Variants in PPP3CC observed in about 807,000 individuals in gnomAD.
PPP3CC encodes serine/threonine-protein phosphatase 2B catalytic subunit gamma isoform.
Under a neutral mutation model 60.3 loss-of-function variants are expected in PPP3CC, and 35 were observed. The observed-to-expected ratio is 0.58, with a 90% CI of 0.44 to 0.77. PPP3CC has a LOEUF of 0.77. Among genes scored for constraint, PPP3CC ranks in the 30% least tolerant of loss-of-function variants. The pLI, the probability that PPP3CC is intolerant of heterozygous loss-of-function variation, is 0.00. For missense variants in PPP3CC, 570 were observed against 628.9 expected (o/e 0.91, Z 1.00); for synonymous variants, 206 against 224.3 (o/e 0.92, Z 0.73).
At chr8:22,474,617 T>G (rs916627524) in intron 1 of PPP3CC, among the ~76,000 whole-genome samples, 1 of 152,136 alleles carries the variant, frequency 6.6e-6, no homozygotes, top group Non-Finnish European at 1.5e-5. Context: ...GACAGAAGAA[T>G]CGCTTGAACT....
chr8:22,457,610 A>G (rs764637603), intron 1 of PPP3CC, among the ~76,000 whole-genome samples: 14 of 152,180 alleles, frequency 9.2e-5, no homozygotes, highest in Admixed American at 4.6e-4. Flanking sequence ...ACCCAGCCCA[A>G]GTCTCAACTT....
intron 1 of PPP3CC, among the ~76,000 whole-genome samples, chr8:22,458,291 T>A (rs1375538536): frequency 2.0e-5 from 3 of 152,016 alleles, no homozygotes; most frequent in Non-Finnish European, 1.5e-5. Flanking sequence ...ATACAAATTT[T>A]AGAACTTCAC....
intron 6 of PPP3CC, among the ~76,000 whole-genome samples, chr8:22,514,248 CA>C (rs66505760): frequency 0.014 from 1,228 of 89,466 alleles, 2 homozygotes; most frequent in African/African-American, 0.043. Context: ...ACTCTGTCTC[CA>C]AAAAAAAAAA....
At chr8:22,534,196 CAAA>C (rs35668611) in intron 12 of PPP3CC, among the ~76,000 whole-genome samples, 3 of 114,956 alleles carry the variant, frequency 2.6e-5, no homozygotes, top group Non-Finnish European at 3.6e-5. Context: ...AAGACTGTTT[CAAA>C]AAAAAAAAAA....
chr8:22,507,520 AAGTCTC>A (rs2117081382), intron 4 of PPP3CC, among the ~76,000 whole-genome samples: 1 of 152,348 alleles, frequency 6.6e-6, no homozygotes, highest in Non-Finnish European at 1.5e-5. Context: ...GAACAGGTTT[AAGTCTC>A]AGTTCTGCCA....
Position 22,441,477 on chromosome 8 carries a change from C to T in PPP3CC, c.49+19C>T. The T allele has an allele frequency of 6.6e-7, 1 of 1,526,378 alleles. No homozygotes were observed. The highest frequency in any genetic ancestry group is 8.8e-7 in the Non-Finnish European group (1 of 1,135,178). 94.6% of individuals were successfully genotyped at this position (1,526,378 alleles called of 1,614,324 possible). A position where few individuals can be genotyped will look rare whatever the true frequency, so the allele number is the denominator to read the frequency against. On this transcript the variant is annotated intron_variant, in intron 1 of 13. Coordinates refer to ENST00000240139, the MANE Select transcript of PPP3CC (RefSeq NM_005605.5). ...ATCAAAGGTGCCTGGCGGGCCGGGC[C>T]TTCCTCTGGGACCCGCGGGAAACGG...
Position 22,532,213 on chromosome 8 carries a change from G to A in PPP3CC, c.1142-12G>A. ...CATCCCTTTAACTTACTTATTCTTTGTATTCTCTAAGGAAGCACTACAGTT... is the reference window on the plus strand; with the variant it reads ...CATCCCTTTAACTTACTTATTCTTTATATTCTCTAAGGAAGCACTACAGTT... On this transcript the variant is annotated splice_polypyrimidine_tract_variant and intron_variant, in intron 10 of 13. Coordinates refer to ENST00000240139, the MANE Select transcript of PPP3CC (RefSeq NM_005605.5). 2.5e-6 allele frequency: 4 copies of A among 1,594,938 alleles called. No homozygotes were observed. Among genetic ancestry groups the A allele is most frequent in the Non-Finnish European group, 3.4e-6 (4 of 1,164,488 alleles).
At chr8:22,465,168 C>G (rs1586800365) in intron 1 of PPP3CC, among the ~76,000 whole-genome samples, 2 of 151,884 alleles carry the variant, frequency 1.3e-5, no homozygotes, top group East Asian at 3.9e-4. Context: ...ACCATGTTGC[C>G]CAGGCTGGAC....
intron 4 of PPP3CC, among the ~76,000 whole-genome samples, chr8:22,507,171 T>A (rs1838950460): frequency 6.6e-6 from 1 of 151,978 alleles, no homozygotes; most frequent in Admixed American, 6.6e-5. Flanking sequence ...AACAAATATA[T>A]CATCAGTGAC....
At chr8:22,460,501 C>T (rs186051872) in intron 1 of PPP3CC, among the ~76,000 whole-genome samples, 2 of 151,586 alleles carry the variant, frequency 1.3e-5, no homozygotes, top group Non-Finnish European at 2.9e-5. Context: ...CCAAAACTTT[C>T]GAAACTTTAA....
intron 4 of PPP3CC, among the ~76,000 whole-genome samples, chr8:22,509,882 T>A (rs1283569569): frequency 6.6e-6 from 1 of 151,966 alleles, no homozygotes; most frequent in Non-Finnish European, 1.5e-5. Flanking sequence ...TGTTTTTCAA[T>A]TTTCTGTAAA....
intron 3 of PPP3CC, among the ~76,000 whole-genome samples, chr8:22,493,631 A>G (rs1321446705): frequency 6.6e-6 from 1 of 152,130 alleles, no homozygotes; most frequent in East Asian, 1.9e-4. Context: ...GGTCAGGATC[A>G]TCAATATCAC....
At position 22,512,423 on chromosome 8, in the gene PPP3CC, A is replaced by T. The variant is rs1274227770; in HGVS notation, c.631-870A>T. Among the ~76,000 whole-genome samples the T allele has an allele frequency of 2.0e-5, 3 of 152,162 alleles. No homozygotes were observed. The East Asian group carries it at 5.8e-4, about 29-fold the overall frequency. On this transcript the variant is annotated intron_variant, in intron 5 of 13. Coordinates refer to ENST00000240139, the MANE Select transcript of PPP3CC (RefSeq NM_005605.5). ...TATTACTTGTTTTCTCTTGGTTTTTATGCTTTCAACTAAAGCAGCAGTGAC... is the reference window on the plus strand; with the variant it reads ...TATTACTTGTTTTCTCTTGGTTTTTTTGCTTTCAACTAAAGCAGCAGTGAC...
At chr8:22,451,710 A>G (rs1304499967) in intron 1 of PPP3CC, among the ~76,000 whole-genome samples, 1 of 152,072 alleles carries the variant, frequency 6.6e-6, no homozygotes, top group Non-Finnish European at 1.5e-5. Context: ...TTGACCACGT[A>G]GGTGGCTAAG....
At chr8:22,490,535 G>A (rs1838369780) in intron 3 of PPP3CC, among the ~76,000 whole-genome samples, 1 of 152,010 alleles carries the variant, frequency 6.6e-6, no homozygotes, top group South Asian at 2.1e-4. Flanking sequence ...CATGTGCCAT[G>A]TTGGTGTGCT....
chr8:22,506,333 C>G (rs559287260), intron 4 of PPP3CC, among the ~76,000 whole-genome samples: 20 of 152,042 alleles, frequency 1.3e-4, no homozygotes, highest in Admixed American at 4.6e-4. Context: ...TTTTCAAGTG[C>G]CTTTAACTCA....
chr8:22,510,758 A>C (rs369945230), intron 4 of PPP3CC: 81 of 223,124 alleles, frequency 3.6e-4, no homozygotes, highest in African/African-American at 1.7e-3. Flanking sequence ...CCTTCAGAGG[A>C]GCCCAAAGCT....
chr8:22,474,506 G>C (rs1485431004), intron 1 of PPP3CC, among the ~76,000 whole-genome samples: 1 of 151,880 alleles, frequency 6.6e-6, no homozygotes, highest in Non-Finnish European at 1.5e-5. Flanking sequence ...GAGTTCGAGA[G>C]CAGGCTGGCC....
At chr8:22,465,144 A>G (rs1837481138) in intron 1 of PPP3CC, among the ~76,000 whole-genome samples, 1 of 151,954 alleles carries the variant, frequency 6.6e-6, no homozygotes, top group African/African-American at 2.4e-5. Context: ...TGTTTTTAGT[A>G]GAGACGGGGT....
Sources: gnomAD v4.1 joint callset for allele counts (sites outside exome capture counted in the v4.1 genomes callset) on GRCh38, gnomAD v4.1.1 for gene constraint, MANE v1.5 for transcripts, NCBI Gene and HGNC (gene_info 2026-07-23, HGNC 2026-07-21) for gene names.